The following CREM variants were observed in gnomAD, a reference collection of about 807,000 sequenced individuals.
CREM encodes cAMP responsive element modulator, also known as cAMP-responsive element modulator.
A neutral mutation model predicts 37.3 loss-of-function variants in CREM; 13 were observed. The ratio of observed to expected loss-of-function variants is 0.35; its 90% CI spans 0.23 to 0.55. The LOEUF (loss-of-function observed/expected upper bound fraction) is 0.55. Ranked by LOEUF, CREM falls within the 20% of genes least tolerant of loss-of-function variation. CREM has a pLI of 0.88. For missense variants in CREM, 296 were observed against 362.3 expected, an observed-to-expected ratio of 0.82 and a Z score of 1.49; for synonymous variants, 124 against 120.2, an observed-to-expected ratio of 1.03 and a Z score of -0.21.
chr10:35,144,421 T>G (rs946401018), intron 2 of CREM, among the ~76,000 whole-genome samples: 1 of 152,168 alleles, frequency 6.6e-6, no homozygotes, highest in Non-Finnish European at 1.5e-5. Context: ...AGGGGTCAGG[T>G]GTCCATGAAA....
chr10:35,206,600 C>T (rs1178722015), intron 6 of CREM, among the ~76,000 whole-genome samples: 2 of 152,178 alleles, frequency 1.3e-5, no homozygotes, highest in African/African-American at 4.8e-5. Context: ...TAGCACACCA[C>T]TGACTTTAAG....
intron 3 of CREM, among the ~76,000 whole-genome samples, chr10:35,160,447 G>A (rs968033927): frequency 6.6e-6 from 1 of 152,032 alleles, no homozygotes; most frequent in African/African-American, 2.4e-5. Flanking sequence ...TGCCCAGGCT[G>A]GAGTACAGTG....
At position 35,202,144 on chromosome 10, in the gene CREM, C is replaced by T. The variant is rs183539064; in HGVS notation, c.599-4751C>T. Among the ~76,000 whole-genome samples the T allele has an allele frequency of 6.1e-3, 935 of 152,202 alleles. 12 individuals carry two copies. Among genetic ancestry groups the T allele is most frequent in the African/African-American group, 0.021 (887 of 41,508 alleles). ...TCCCCACTGATAACCCATATATTTTCAAAATATGAAAATTCTAGAATAAAA... is the reference window on the plus strand; with the variant it reads ...TCCCCACTGATAACCCATATATTTTTAAAATATGAAAATTCTAGAATAAAA... On this transcript the variant is annotated intron_variant, in intron 6 of 7. Coordinates refer to ENST00000685392, the MANE Select transcript of CREM (RefSeq NM_183011.2).
At chr10:35,207,300 A>G (rs1588901676) in intron 7 of CREM, among the ~76,000 whole-genome samples, 3 of 152,134 alleles carry the variant, frequency 2.0e-5, no homozygotes, top group African/African-American at 7.2e-5. Flanking sequence ...AGGCTGAGGC[A>G]GGACAATGGC....
chr10:35,195,093 GTCC>G (rs2095094495), intron 6 of CREM: 11 of 1,293,506 alleles, frequency 8.5e-6, no homozygotes, highest in Admixed American at 1.9e-5. Context: ...TGTGATGTCA[GTCC>G]TCCTGCTTAT....
At position 35,207,055 on chromosome 10, in the gene CREM, AG is replaced by A; in HGVS notation, c.755+6del. 2 of 1,611,336 alleles carry A rather than the reference AG, an allele frequency of 1.2e-6. No individual in the cohort carries two copies. The highest frequency in any genetic ancestry group is 1.7e-6 in the Non-Finnish European group (2 of 1,178,624). On this transcript the variant is annotated splice_donor_5th_base_variant and intron_variant, in intron 7 of 7. Transcript: ENST00000685392. ...AGCTGAGGCTAATGAAAAACAGGTGAGGTGTTGCACAGGGAATCGGTAACTT... is the reference window on the plus strand; with the variant it reads ...AGCTGAGGCTAATGAAAAACAGGTGAGTGTTGCACAGGGAATCGGTAACTT...
intron 3 of CREM, among the ~76,000 whole-genome samples, chr10:35,169,170 T>C (rs2093686608): frequency 6.6e-6 from 1 of 152,196 alleles, no homozygotes; most frequent in Non-Finnish European, 1.5e-5. Context: ...TGGCATTGAA[T>C]CTATAAATTA....
intron 3 of CREM, among the ~76,000 whole-genome samples, chr10:35,174,637 C>G (rs2093969056): frequency 6.6e-6 from 1 of 152,190 alleles, no homozygotes; most frequent in Non-Finnish European, 1.5e-5. Context: ...TACTACCACT[C>G]ATGATAGACA....
Position 35,212,146 on chromosome 10 carries a change from C to A in CREM, c.*748C>A, listed in dbSNP as rs577794457. The A allele has an allele frequency of 2.3e-5, 4 of 174,416 alleles. No individual in the cohort carries two copies. The highest frequency in any genetic ancestry group is 3.0e-4 in the East Asian group (2 of 6,682). The allele number at this position is 174,416 out of a possible 1,614,324, so 10.8% of individuals were successfully genotyped here. A position where few individuals can be genotyped will look rare whatever the true frequency, so the allele number is the denominator to read the frequency against. The stretch of plus-strand genomic sequence containing the variant: ...TTAAATCATTTTAGGAAAGGATGAT[C>A]AAAAATAATGCATCCAGCAGTACAA... On this transcript the variant is annotated 3_prime_UTR_variant, in exon 8 of 8. Transcript: ENST00000685392.
intron 5 of CREM, among the ~76,000 whole-genome samples, chr10:35,186,042 A>G (rs541037140): frequency 5.9e-5 from 9 of 152,318 alleles, no homozygotes; most frequent in Non-Finnish European, 1.0e-4. Context: ...AAATATTCAG[A>G]GTGTATTTTA....
intron 1 of CREM, among the ~76,000 whole-genome samples, chr10:35,133,446 C>G (rs1447505078): frequency 2.0e-5 from 3 of 151,840 alleles, no homozygotes. Flanking sequence ...TTACAGGTGC[C>G]TGCCACCGTG....
At chr10:35,188,474 T>C (rs2094750823) in intron 6 of CREM, 86 bp downstream of exon 6, 1 of 1,249,592 alleles carries the variant, frequency 8.0e-7, no homozygotes, top group Non-Finnish European at 1.1e-6. Context: ...TTTTTTGAAA[T>C]AGATCGAAGG....
rs73260868 is a variant in CREM at position 35,159,121 on chromosome 10, G to A, written c.168+10630G>A. ...CAACATTCAGCCTTAATCTATTCCT[G>A]CTAATGATTAGAACAACAATATTGG... On this transcript the variant is annotated intron_variant, in intron 3 of 7. Transcript: ENST00000685392. Among the ~76,000 whole-genome samples, 574 of 152,048 alleles carry A rather than the reference G, an allele frequency of 3.8e-3. 6 individuals are homozygous for A. Among genetic ancestry groups the A allele is most frequent in the African/African-American group, 0.013 (533 of 41,466 alleles).
intron 5 of CREM, among the ~76,000 whole-genome samples, chr10:35,187,093 TATATATG>T (rs2094624612): frequency 2.4e-5 from 1 of 41,318 alleles, no homozygotes; most frequent in African/African-American, 7.4e-5. Context: ...TAATATATAA[TATATATG>T]ATATATATTA....
rs906886646 is a variant in CREM at position 35,211,602 on chromosome 10, G to A, written c.*204G>A. 6.3e-7 allele frequency: 1 copy of A among 1,594,568 alleles called. No individual in the cohort carries two copies. Among genetic ancestry groups the A allele is most frequent in the Non-Finnish European group, 8.5e-7 (1 of 1,170,390 alleles). On this transcript the variant is annotated 3_prime_UTR_variant, in exon 8 of 8. Coordinates refer to ENST00000685392, the MANE Select transcript of CREM (RefSeq NM_183011.2). The stretch of plus-strand genomic sequence containing the variant: ...TTACCGAGCTTACTTTGATCTGTTT[G>A]TCAATAGCATGCAAAAAATGCTTTG...
chr10:35,191,105 T>TATTTATTTATTTATTTATTTATTA (rs1564936798), intron 6 of CREM, among the ~76,000 whole-genome samples: 1 of 151,460 alleles, frequency 6.6e-6, no homozygotes, highest in African/African-American at 2.4e-5. Flanking sequence ...TTTATTTATT[T>TATTTATTTATTTATTTATTTATTA]ATTATACTTT....
In CREM at chr10:35,188,316, G is replaced by C. The variant is rs1292845616; in HGVS notation, c.526G>C (p.Val176Leu). ...AGCTCCTCCACCAGGTGCTACAATTGTACAGTACGCAGCACAATCAGCTGA... is the reference window on the plus strand; with the variant it reads ...AGCTCCTCCACCAGGTGCTACAATTCTACAGTACGCAGCACAATCAGCTGA... ...SGAPPPGATI[V>L]QYAAQSADGT... is the part of the protein sequence containing the mutation. The change falls in exon 6 of 8, where the codon GTA becomes CTA. Residue 176 changes from valine to leucine, a missense_variant. Val to Leu is a conservative substitution (Grantham distance 32). Coordinates refer to ENST00000685392, the MANE Select transcript of CREM (RefSeq NM_183011.2). 1 of 1,614,162 alleles carries C rather than the reference G, an allele frequency of 6.2e-7. No homozygotes were observed. Among genetic ancestry groups the C allele is most frequent in the Non-Finnish European group, 8.5e-7 (1 of 1,180,024 alleles).
At chr10:35,186,738 A>G in intron 5 of CREM, among the ~76,000 whole-genome samples, 1 of 134,050 alleles carries the variant, frequency 7.5e-6, no homozygotes, top group South Asian at 2.1e-4. Context: ...ATAATTATAT[A>G]TAGTTATAAT....
At position 35,149,938 on chromosome 10, in the gene CREM, A is replaced by ACACACACACC. The variant is rs796295851; in HGVS notation, c.168+1448_168+1449insACACACACCC. On this transcript the variant is annotated intron_variant, in intron 3 of 7. Transcript: ENST00000685392. ...CACACACACACACACACACACACACACCCTTGTTAAAAAAAATGCATGTTC... is the reference window on the plus strand; with the variant it reads ...CACACACACACACACACACACACACACACACACACCCCCTTGTTAAAAAAAATGCATGTTC... Among the ~76,000 whole-genome samples, 142 of 145,512 alleles carry ACACACACACC rather than the reference A, an allele frequency of 9.8e-4. 2 individuals are homozygous for ACACACACACC. The East Asian group carries it at 0.013, about 13-fold the overall frequency.
Sources: gnomAD v4.1 joint callset for allele counts (sites outside exome capture counted in the v4.1 genomes callset) on GRCh38, gnomAD v4.1.1 for gene constraint, MANE v1.5 for transcripts, NCBI Gene and HGNC (gene_info 2026-07-23, HGNC 2026-07-21) for gene names.